PSD3: variants seen among roughly 807,000 people sequenced by gnomAD.
PSD3 encodes the protein pleckstrin and Sec7 domain containing 3.
PSD3 carries 49 observed loss-of-function variants against 105.5 expected under a neutral mutation model. The observed-to-expected ratio is 0.46, with a 90% CI of 0.37 to 0.59. The LOEUF is 0.59. Among genes scored for constraint, PSD3 ranks in the 20% least tolerant of loss-of-function variants. The probability of loss-of-function intolerance (pLI) is 0.00; values close to 1 mark genes in which losing one functional copy is unlikely to be tolerated. For missense variants in PSD3, 1,561 were observed against 1,263.8 expected (o/e 1.24, Z -3.57); for synonymous variants, 557 against 457.8 (o/e 1.22, Z -2.77).
chr8:18,536,040 T>A, intron 15 of PSD3, 82 bp from the exon 16 acceptor site: 1 of 1,330,806 alleles, frequency 7.5e-7, no homozygotes, highest in South Asian at 1.2e-5. Flanking sequence ...ATTACCCACC[T>A]GGAGAGTGTG....
rs761872631 is a variant in PSD3 at position 18,804,826 on chromosome 8, C to A, written c.1707G>T (p.Glu569Asp). The A allele has an allele frequency of 3.2e-5, 52 of 1,613,812 alleles. No individual in the cohort carries two copies. Among genetic ancestry groups the A allele is most frequent in the Non-Finnish European group, 4.3e-5 (51 of 1,179,846 alleles). Reference protein sequence around the residue: ...EMGSTEILEKETPENLSNGTS... With the variant: ...EMGSTEILEKDTPENLSNGTS... ...TACCATTACTGAGATTTTCTGGGGT[C>A]TCCTTTTCCAAAATTTCAGTGCTCC... Residue 569 changes from glutamate to aspartate, a missense_variant, in exon 5 of 16, where the codon GAG (glutamate) becomes GAT (aspartate). By Grantham distance (45) the Glu-to-Asp change is conservative. Transcript: ENST00000327040.
chr8:18,968,485 C>T (rs1341679694), intron 1 of PSD3, among the ~76,000 whole-genome samples: 3 of 152,212 alleles, frequency 2.0e-5, no homozygotes, highest in African/African-American at 7.2e-5. Context: ...CGCCAGTTTT[C>T]ACATCACACG....
At chr8:19,024,253 C>T (rs563568201) in intron 1 of PSD3, among the ~76,000 whole-genome samples, 12 of 152,238 alleles carry the variant, frequency 7.9e-5, no homozygotes, top group Admixed American at 2.0e-4. Context: ...CCCAAAGATA[C>T]GTTATTTCAC....
Position 19,078,235 on chromosome 8 carries a change from A to G in PSD3, c.324+5971T>C, listed in dbSNP as rs188919027. On this transcript the variant is annotated intron_variant, in intron 1 of 1. Transcript: ENST00000521475. Reference sequence around the variant, plus strand: ...CTTTCAAAGATAAAATTTTTACCGTATCATAACCTGTAGCAGATTGTGGAA... The same window carrying G: ...CTTTCAAAGATAAAATTTTTACCGTGTCATAACCTGTAGCAGATTGTGGAA... Among the ~76,000 whole-genome samples, 28 of 152,224 alleles carry G rather than the reference A, an allele frequency of 1.8e-4. 1 individual carries two copies. The highest frequency in any genetic ancestry group is 1.0e-4 in the Non-Finnish European group (7 of 68,018).
intron 10 of PSD3, among the ~76,000 whole-genome samples, chr8:18,647,600 A>C (rs1321200939): frequency 6.9e-6 from 1 of 144,386 alleles, no homozygotes; most frequent in Non-Finnish European, 1.5e-5. Flanking sequence ...TCATTATTTA[A>C]AACTGTTTTT....
chr8:18,787,637 G>A (rs335244), intron 8 of PSD3, among the ~76,000 whole-genome samples: 54,540 of 151,812 alleles, frequency 0.36, 10,062 homozygotes, highest in African/African-American at 0.4. Flanking sequence ...GGAGGCCTAC[G>A]TCATCCCGCA....
chr8:18,845,984 G>C lies in PSD3; in HGVS notation c.1634+21690C>G, dbSNP rs1222294996. On this transcript the variant is annotated intron_variant, in intron 4 of 15. Transcript: ENST00000327040. Reference sequence around the variant, plus strand: ...CTGTTCGCCTAAATCAATGGTATGAGCCTAGCGAAAGCATTCCACTCTCTG... The same window carrying C: ...CTGTTCGCCTAAATCAATGGTATGACCCTAGCGAAAGCATTCCACTCTCTG... Among the ~76,000 whole-genome samples, 6 of 152,156 alleles carry C rather than the reference G, an allele frequency of 3.9e-5. No individual in the cohort carries two copies. In the East Asian group the frequency reaches 1.2e-3, roughly 29 times the overall value.
intron 12 of PSD3, among the ~76,000 whole-genome samples, chr8:18,586,848 G>A (rs957218440): frequency 1.3e-5 from 2 of 152,168 alleles, no homozygotes; most frequent in Non-Finnish European, 2.9e-5. Flanking sequence ...ATTCCTTGAT[G>A]CTGAGAAATG....
At position 18,562,762 on chromosome 8, in the gene PSD3, G is replaced by A. The variant is rs897909091; in HGVS notation, c.2785-6410C>T. ...AAATTAGCCGGGTGTGGTGGCATGCGCCTTTAATTCCAATTGCACTGGAGG... is the reference window on the plus strand; with the variant it reads ...AAATTAGCCGGGTGTGGTGGCATGCACCTTTAATTCCAATTGCACTGGAGG... On this transcript the variant is annotated intron_variant, in intron 14 of 15. Coordinates refer to ENST00000327040, the MANE Select transcript of PSD3 (RefSeq NM_015310.4). Among the ~76,000 whole-genome samples, 3 of 152,182 alleles carry A rather than the reference G, an allele frequency of 2.0e-5. 1 individual carries two copies. Among genetic ancestry groups the A allele is most frequent in the African/African-American group, 7.2e-5 (3 of 41,506 alleles).
chr8:18,827,325 G>A (rs1299607773), intron 4 of PSD3, among the ~76,000 whole-genome samples: 2 of 152,178 alleles, frequency 1.3e-5, no homozygotes, highest in Non-Finnish European at 2.9e-5. Flanking sequence ...AGTTTTCCCA[G>A]CACCAGGGAT....
intron 1 of PSD3, among the ~76,000 whole-genome samples, chr8:19,082,018 G>C (rs1829660558): frequency 6.6e-6 from 1 of 152,178 alleles, no homozygotes; most frequent in Non-Finnish European, 1.5e-5. Context: ...ATTTTAATCA[G>C]CTTTTTGATA....
chr8:18,819,596 T>TTTTTTTA (rs59004555), intron 4 of PSD3, among the ~76,000 whole-genome samples: 1 of 144,376 alleles, frequency 6.9e-6, no homozygotes, highest in Non-Finnish European at 1.5e-5. Flanking sequence ...TTTTTTTTTT[T>TTTTTTTA]GAGATGGAGT....
intron 15 of PSD3, among the ~76,000 whole-genome samples, chr8:18,554,109 A>C (rs1339064935): frequency 2.0e-5 from 3 of 152,202 alleles, no homozygotes; most frequent in Non-Finnish European, 4.4e-5. Flanking sequence ...GCTCCTAGCA[A>C]TGGCAAGCTT....
At chr8:18,737,696 G>A (rs951702484) in intron 9 of PSD3, among the ~76,000 whole-genome samples, 1 of 152,148 alleles carries the variant, frequency 6.6e-6, no homozygotes, top group African/African-American at 2.4e-5. Context: ...TTTCGGAGGG[G>A]AAAGTATATA....
chr8:18,731,256 CAAAAACA>C (rs1427629368), intron 9 of PSD3, among the ~76,000 whole-genome samples: 1 of 152,034 alleles, frequency 6.6e-6, no homozygotes, highest in Non-Finnish European at 1.5e-5. Context: ...AACTCTGTCT[CAAAAACA>C]AAAAACAAAA....
chr8:18,863,055 T>G (rs921922152), intron 4 of PSD3, among the ~76,000 whole-genome samples: 5 of 152,166 alleles, frequency 3.3e-5, no homozygotes, highest in African/African-American at 1.2e-4. Context: ...CTTGGAAGCT[T>G]AGATATAAAA....
chr8:18,752,617 AATAT>A (rs1231432330), intron 9 of PSD3, among the ~76,000 whole-genome samples: 1 of 71,836 alleles, frequency 1.4e-5, no homozygotes, highest in South Asian at 4.1e-4. Flanking sequence ...TAATACATAT[AATAT>A]ATATTATATA....
At chr8:18,967,512 C>G (rs1379908143) in intron 1 of PSD3, among the ~76,000 whole-genome samples, 1 of 152,180 alleles carries the variant, frequency 6.6e-6, no homozygotes, top group South Asian at 2.1e-4. Context: ...AACCTGACAA[C>G]ATCAAAGCTA....
In PSD3 at chr8:18,978,505, T is replaced by A. The variant is rs1329850795; in HGVS notation, c.21+35058A>T. Among the ~76,000 whole-genome samples, 3 of 152,262 alleles carry A rather than the reference T, an allele frequency of 2.0e-5. No individual in the cohort carries two copies. In the South Asian group the frequency reaches 6.2e-4, roughly 32 times the overall value. ...TTAACAAATTCTAAAACATGCACCT[T>A]TCAATTTGCCCCTCCTCTCCTTAAC... On this transcript the variant is annotated intron_variant, in intron 1 of 15. Transcript: ENST00000327040.
Sources: gnomAD v4.1 joint callset for allele counts (sites outside exome capture counted in the v4.1 genomes callset) on GRCh38, gnomAD v4.1.1 for gene constraint, MANE v1.5 for transcripts, NCBI Gene and HGNC (gene_info 2026-07-23, HGNC 2026-07-21) for gene names.